FLII: variants seen among roughly 807,000 people sequenced by gnomAD.
FLII encodes FLII actin remodeling protein, also known as protein flightless-1 homolog.
FLII carries 101 observed loss-of-function variants against 156.2 expected under a neutral mutation model. The ratio of observed to expected loss-of-function variants is 0.65; its 90% CI spans 0.55 to 0.76. The LOEUF is 0.76. FLII is among the 30% of genes least tolerant of loss of function. FLII has a pLI of 0.00. For missense variants in FLII, 1,675 were observed against 1,682.8 expected (o/e 1.00, Z 0.08); for synonymous variants, 767 against 685.8 (o/e 1.12, Z -1.85).
rs2048447650 is a variant in FLII, at chr17:18,257,247, T to C, written c.64-228A>G. 13 of 507,026 alleles carry C rather than the reference T, an allele frequency of 2.6e-5. No homozygotes were observed. The East Asian group carries it at 4.0e-4, about 16-fold the overall frequency. 31.4% of individuals were successfully genotyped at this position (507,026 alleles called of 1,614,324 possible). ...CTAAGATTTGTCTCTCCTACTGGAT[T>C]CTGGGCCCCAGGAGGGCCAGGACAA... On this transcript the variant is annotated intron_variant, in intron 1 of 29. Coordinates refer to ENST00000327031, the MANE Select transcript of FLII (RefSeq NM_002018.4).
chr17:18,258,682 G>A lies in FLII; in HGVS notation c.9C>T (p.Ala3=), dbSNP rs753452894. ME[A]TGVLPFVRGV... is the part of the protein sequence containing the mutation. ...CACGCACGAACGGCAGCACCCCGGT[G>A]GCCTCCATGGCGCCGCTCTCGCTGC... Residue 3 remains alanine (A), a synonymous_variant, in exon 1 of 30, where the codon GCC becomes GCT. Coordinates refer to ENST00000327031, the MANE Select transcript of FLII (RefSeq NM_002018.4). This position sits in a 1 kb window ranked among gnomAD's most constrained non-coding sequence, Gnocchi z 4.2. 2.9e-5 allele frequency: 44 copies of A among 1,517,206 alleles called. No homozygotes were observed. Among genetic ancestry groups the A allele is most frequent in the East Asian group, 2.7e-5 (1 of 36,928 alleles). 94.0% of individuals were successfully genotyped at this position (1,517,206 alleles called of 1,614,324 possible).
chr17:18,251,635 A>G (rs2142841571), intron 12 of FLII, 45 bp downstream of exon 12: 1 of 1,612,342 alleles, frequency 6.2e-7, no homozygotes, highest in Non-Finnish European at 8.5e-7. Flanking sequence ...GGCCTTCAGC[A>G]GAAGCTAAGG....
At chr17:18,257,165 C>T in intron 1 of FLII, 146 bp from the exon 2 acceptor site, 1 of 570,882 alleles carries the variant, frequency 1.8e-6, no homozygotes, top group Non-Finnish European at 3.1e-6. Flanking sequence ...CATTGTGCCT[C>T]AATTTCTTCA....
chr17:18,248,897 G>C lies in FLII; in HGVS notation c.1935-14C>G. The C allele has an allele frequency of 1.2e-6, 2 of 1,609,572 alleles. No individual in the cohort carries two copies. Among genetic ancestry groups the C allele is most frequent in the Non-Finnish European group, 1.7e-6 (2 of 1,176,022 alleles). ...AGGAAAACAAACCTGGACAAGAAGGGGCAGGAAGGAGCTGTGATGGTGCAT... is the reference window on the plus strand; with the variant it reads ...AGGAAAACAAACCTGGACAAGAAGGCGCAGGAAGGAGCTGTGATGGTGCAT... On this transcript the variant is annotated splice_polypyrimidine_tract_variant and intron_variant, in intron 16 of 29. Transcript: ENST00000327031.
intron 14 of FLII, 64 bp downstream of exon 14, chr17:18,250,774 G>A: frequency 1.3e-6 from 2 of 1,540,986 alleles, no homozygotes; most frequent in Non-Finnish European, 1.8e-6. Context: ...TGGGCCCACT[G>A]CCCCTGCACC....
At position 18,244,926 on chromosome 17, in the gene FLII, C is replaced by T. The variant is rs964274602; in HGVS notation, c.*212G>A. On this transcript the variant is annotated 3_prime_UTR_variant, in exon 30 of 30. Coordinates refer to ENST00000327031, the MANE Select transcript of FLII (RefSeq NM_002018.4). ...AGCGGAAGAGTGAGGGGGCTTCACA[C>T]GTGCACTCACACTGTGGAGAGAGTT... 8.0e-5 allele frequency: 48 copies of T among 596,738 alleles called. No homozygotes were observed. The highest frequency in any genetic ancestry group is 5.1e-4 in the South Asian group (21 of 41,038). 37.0% of individuals were successfully genotyped at this position (596,738 alleles called of 1,614,324 possible). A position where few individuals can be genotyped will look rare whatever the true frequency, so the allele number is the denominator to read the frequency against.
In FLII at chr17:18,251,310, G is replaced by C; in HGVS notation, c.1551C>G (p.Ala517=). 1 of 1,614,006 alleles carries C rather than the reference G, an allele frequency of 6.2e-7. No homozygotes were observed. Among genetic ancestry groups the C allele is most frequent in the Non-Finnish European group, 8.5e-7 (1 of 1,180,040 alleles). ...ENFVPVLVEE[A]FHGKFYEADC... is the part of the protein sequence containing the mutation. The stretch of plus-strand genomic sequence containing the variant: ...CAGCCTCGTAGAACTTGCCGTGGAA[G>C]GCTTCCTCCACCAGCACAGGCACGA... The change falls in exon 13 of 30, where the codon GCC becomes GCG. Residue 517 remains alanine (A), a synonymous_variant. Transcript: ENST00000327031.
chr17:18,248,453 G>C (rs1005514628), intron 18 of FLII, 97 bp downstream of exon 18: 9 of 1,212,764 alleles, frequency 7.4e-6, no homozygotes, highest in Non-Finnish European at 1.0e-5. Flanking sequence ...CCAAAGTCGA[G>C]ATGGAGCCCA....
Position 18,251,813 on chromosome 17 carries a change from C to T in FLII, c.1250G>A (p.Gly417Glu), listed in dbSNP as rs199522718. Residue 417 changes from glycine (G) to glutamate (E), a missense_variant, in exon 12 of 30, where the codon GGG becomes GAG. By Grantham distance (98) the Gly-to-Glu change is moderately conservative. Around this residue, in one of 2 missense-constraint regions of FLII, gnomAD observed 1,332 missense variants for 1,269.3 expected, o/e 1.05. Transcript: ENST00000327031. The stretch of plus-strand genomic sequence containing the variant: ...AGCCATAGGGTCCTTGGGCCCACTC[C>T]CTGCTTAGGGGAGGGGCAAACAGCT... ...PATVAAAAAAGSGPKDPMARK... is the reference protein window; with the variant it reads ...PATVAAAAAAESGPKDPMARK... 1.9e-6 allele frequency: 3 copies of T among 1,613,682 alleles called. No individual in the cohort carries two copies. The highest frequency in any genetic ancestry group is 1.7e-5 in the Admixed American group (1 of 60,032).
intron 3 of FLII, among the ~76,000 whole-genome samples, 164 bp from the exon 4 acceptor site, chr17:18,255,427 C>G (rs574600426): frequency 2.4e-4 from 37 of 152,296 alleles, no homozygotes; most frequent in Middle Eastern, 6.8e-3. Context: ...AGCGCTCTTC[C>G]TAGCCTCCCA....
rs1597912801 is a variant in FLII, at chr17:18,251,475, C to T, written c.1386G>A (p.Glu462=). The change falls in exon 13 of 30, where the codon GAG becomes GAA. Residue 462 remains glutamate, a splice_region_variant and synonymous_variant. Transcript: ENST00000327031. ...CGCTGGGGGCCCGGGCATCTGCGCTCTCCTGGGGGCAGAGTCACAGAGCAC... is the reference window on the plus strand; with the variant it reads ...CGCTGGGGGCCCGGGCATCTGCGCTTTCCTGGGGGCAGAGTCACAGAGCAC... ...VAQEKNKKQE[E]SADARAPSGK... is the part of the protein sequence containing the mutation. 1.2e-6 allele frequency: 2 copies of T among 1,601,570 alleles called. No homozygotes were observed. Among genetic ancestry groups the T allele is most frequent in the Non-Finnish European group, 1.7e-6 (2 of 1,173,300 alleles).
chr17:18,254,294 A>G, intron 6 of FLII, 112 bp from the exon 7 acceptor site: 1 of 916,798 alleles, frequency 1.1e-6, no homozygotes, highest in Non-Finnish European at 1.6e-6. Flanking sequence ...GTGTGAGGTC[A>G]CATCTGGTTG....
rs8821 is a variant in FLII at position 18,245,220 on chromosome 17, C to T, written c.3728G>A (p.Arg1243His). 0.02 allele frequency: 32,784 copies of T among 1,613,898 alleles called. 406 individuals carry two copies. Among genetic ancestry groups the T allele is most frequent in the Non-Finnish European group, 0.024 (27,820 of 1,179,922 alleles). ...SKEHERPRRL[R>H]LVRKGNEQHA... The stretch of plus-strand genomic sequence containing the variant: ...CTGCTCATTGCCCTTGCGGACCAGG[C>T]GCAGCCGGCGCGGCCGCTCATGTTC... Residue 1243 changes from arginine to histidine, a missense_variant, in exon 30 of 30, where the codon CGC (arginine) becomes CAC (histidine). Around this residue, in one of 2 missense-constraint regions of FLII, gnomAD observed 1,332 missense variants for 1,269.3 expected, o/e 1.05. Coordinates refer to ENST00000327031, the MANE Select transcript of FLII (RefSeq NM_002018.4).
chr17:18,246,110 A>C, intron 25 of FLII, 48 bp from the exon 26 acceptor site: 1 of 1,614,034 alleles, frequency 6.2e-7, no homozygotes, highest in South Asian at 1.1e-5. Context: ...CTCAGCCCCC[A>C]AACACCCCAC....
In FLII at chr17:18,258,460, A is replaced by T. The variant is rs2048496033; in HGVS notation, c.63+168T>A. 6.6e-7 allele frequency: 1 copy of T among 1,509,148 alleles called. No individual in the cohort carries two copies. The highest frequency in any genetic ancestry group is 8.8e-7 in the Non-Finnish European group (1 of 1,134,764). The allele number at this position is 1,509,148 out of a possible 1,614,324, so 93.5% of individuals were successfully genotyped here. A position where few individuals can be genotyped will look rare whatever the true frequency, so the allele number is the denominator to read the frequency against. On this transcript the variant is annotated intron_variant, in intron 1 of 29. Transcript: ENST00000327031. This position sits in a 1 kb window ranked among gnomAD's most constrained non-coding sequence, Gnocchi z 4.2. ...GTCTCCCCGTACAGGCACTGGGCGGAGGCCTCGGAGGTCCATTCCTGGCCA... is the reference window on the plus strand; with the variant it reads ...GTCTCCCCGTACAGGCACTGGGCGGTGGCCTCGGAGGTCCATTCCTGGCCA...
chr17:18,251,240 C>G (rs1203669584), intron 13 of FLII, 25 bp downstream of exon 13: 3 of 1,608,702 alleles, frequency 1.9e-6, no homozygotes. Flanking sequence ...GCCACATGGC[C>G]CCTAACAGCA....
intron 22 of FLII, 39 bp downstream of exon 22, chr17:18,246,874 C>G (rs147109903): frequency 4.3e-6 from 7 of 1,613,910 alleles, no homozygotes; most frequent in African/African-American, 2.7e-5. Context: ...CCCCCAGCAC[C>G]AGGGGAGGGA....
chr17:18,253,781 C>T, intron 7 of FLII, 62 bp from the exon 8 acceptor site: 2 of 1,474,288 alleles, frequency 1.4e-6, no homozygotes, highest in Non-Finnish European at 9.1e-7. Context: ...GGCAGCCAGC[C>T]CTAGTGTGAA....
At chr17:18,248,387 G>A (rs2048154842) in intron 18 of FLII, among the ~76,000 whole-genome samples, 163 bp downstream of exon 18, 1 of 152,150 alleles carries the variant, frequency 6.6e-6, no homozygotes, top group African/African-American at 2.4e-5. Flanking sequence ...CTCAAAAGCA[G>A]CCTCCAGACC....
Sources: allele counts gnomAD v4.1 joint callset (sites outside exome capture counted in the v4.1 genomes callset), GRCh38; gene constraint gnomAD v4.1.1; regional missense constraint gnomAD v4.1.1; non-coding constraint Gnocchi (gnomAD v3.1); transcripts MANE v1.5; gene names NCBI Gene and HGNC (gene_info 2026-07-23, HGNC 2026-07-21).